CCNB2: variants seen among roughly 807,000 people sequenced by gnomAD.
CCNB2 encodes the protein G2/mitotic-specific cyclin-B2.
CCNB2 carries 39 observed loss-of-function variants against 51.1 expected under a neutral mutation model. The observed-to-expected ratio is 0.76, with a 90% confidence interval of 0.59 to 1.00. The LOEUF is 1.00. Among genes scored for constraint, CCNB2 ranks in the 50% least tolerant of loss-of-function variants. The pLI is 0.00. For synonymous variants in CCNB2, 174 were observed against 165.5 expected, an observed-to-expected ratio of 1.05 and a Z score of -0.40; for missense variants, 472 against 470.3, an observed-to-expected ratio of 1.00 and a Z score of -0.03.
At chr15:59,116,203 A>G (rs2079278062) in intron 5 of CCNB2, 1 of 154,790 alleles carries the variant, frequency 6.5e-6, no homozygotes. Flanking sequence ...GGTAAGGATT[A>G]AGGAAATGAG....
intron 3 of CCNB2, among the ~76,000 whole-genome samples, chr15:59,109,424 A>G (rs1820432267): frequency 6.6e-6 from 1 of 152,234 alleles, no homozygotes; most frequent in African/African-American, 2.4e-5. Context: ...AGATAGTGCT[A>G]TGATGAGTGT....
At chr15:59,123,736 ATG>A (rs2079313695) in intron 8 of CCNB2, 109 bp downstream of exon 8, 5 of 364,798 alleles carry the variant, frequency 1.4e-5, no homozygotes, top group South Asian at 1.2e-4. Context: ...TATTAATAAC[ATG>A]TGGGAGTTTT....
chr15:59,114,213 T>C (rs1596331070), intron 3 of CCNB2, among the ~76,000 whole-genome samples: 2 of 152,252 alleles, frequency 1.3e-5, no homozygotes, highest in South Asian at 4.2e-4. Flanking sequence ...CTGTAGGCCA[T>C]TGGGAGGACT....
chr15:59,106,903 A>G (rs1260583616), intron 1 of CCNB2, among the ~76,000 whole-genome samples: 1 of 152,174 alleles, frequency 6.6e-6, no homozygotes, highest in Non-Finnish European at 1.5e-5. Flanking sequence ...TTATAGCTTT[A>G]TTATTTTTCA....
At position 59,117,055 on chromosome 15, in the gene CCNB2, G is replaced by C. The variant is rs564047294; in HGVS notation, c.834+129G>C. ...GTAAGTCTTAATGCTTTCCTCATCAGTTCTTAAGAGAAAAGGCCTCATGAT... is the reference window on the plus strand; with the variant it reads ...GTAAGTCTTAATGCTTTCCTCATCACTTCTTAAGAGAAAAGGCCTCATGAT... On this transcript the variant is annotated intron_variant, in intron 6 of 8. Transcript: ENST00000288207. The C allele has an allele frequency of 2.2e-5, 21 of 972,988 alleles. No homozygotes were observed. The Admixed American group carries it at 4.4e-4, about 20-fold the overall frequency. 60.3% of individuals were successfully genotyped at this position (972,988 alleles called of 1,614,324 possible).
intron 3 of CCNB2, among the ~76,000 whole-genome samples, chr15:59,108,249 G>A (rs1263297208): frequency 6.6e-6 from 1 of 152,196 alleles, no homozygotes; most frequent in Non-Finnish European, 1.5e-5. Context: ...AACTGAGTCA[G>A]GCGGCTTGAG....
rs1288856095 is a variant in CCNB2 at position 59,116,920 on chromosome 15, CG to C, written c.832del (p.Glu278ArgfsTer9). 2.5e-6 allele frequency: 4 copies of C among 1,612,586 alleles called. No individual in the cohort carries two copies. The highest frequency in any genetic ancestry group is 1.3e-5 in the African/African-American group (1 of 74,848). ...LHFLRRASKA[G>X]EVDVEQHTLA... ...ACTTCTTAAGGCGAGCATCAAAAGC[CG>C]GGGAGGTAAGTGCCTCCAGCTCTGT... On this transcript the variant is annotated frameshift_variant, in exon 6 of 9. Coordinates refer to ENST00000288207, the MANE Select transcript of CCNB2 (RefSeq NM_004701.4). LOFTEE classifies it high-confidence loss of function.
rs1294846452 is a variant in CCNB2, at chr15:59,116,848, A to G, written c.756A>G (p.Leu252=). Residue 252 remains leucine, a synonymous_variant, in exon 6 of 9, where the codon CTA becomes CTG. Coordinates refer to ENST00000288207, the MANE Select transcript of CCNB2 (RefSeq NM_004701.4). ...CCCAAATCCGAGAAATGGAAACTCT[A>G]ATTTTGAAAGAATTGAAATTTGAGT... ...TSSQIREMET[L]ILKELKFELG... 2 of 1,614,060 alleles carry G rather than the reference A, an allele frequency of 1.2e-6. No individual in the cohort carries two copies. The highest frequency in any genetic ancestry group is 1.1e-5 in the South Asian group (1 of 91,084).
intron 8 of CCNB2, 173 bp from the exon 9 acceptor site, chr15:59,124,594 G>C (rs563135080): frequency 1.1e-4 from 68 of 605,062 alleles, no homozygotes; most frequent in Non-Finnish European, 1.8e-4. Context: ...GGGGATGGAA[G>C]GAAATGGTCA....
At chr15:59,111,840 T>TTTTCTTTC (rs200805265) in intron 3 of CCNB2, among the ~76,000 whole-genome samples, 4 of 149,970 alleles carry the variant, frequency 2.7e-5, no homozygotes, top group African/African-American at 9.9e-5. Flanking sequence ...TATTCTATTC[T>TTTTCTTTC]TTTCTTTCTT....
intron 3 of CCNB2, among the ~76,000 whole-genome samples, chr15:59,113,229 T>C (rs946969259): frequency 1.3e-5 from 2 of 152,242 alleles, no homozygotes; most frequent in African/African-American, 4.8e-5. Flanking sequence ...GACTGCAATA[T>C]GCTTTTCTCC....
chr15:59,110,353 T>C (rs1265630782), intron 3 of CCNB2, among the ~76,000 whole-genome samples: 1 of 152,232 alleles, frequency 6.6e-6, no homozygotes, highest in Non-Finnish European at 1.5e-5. Context: ...TATGAGGAAT[T>C]AATGAACAGG....
rs779994699 is a variant in CCNB2, at chr15:59,114,546, G to T, written c.370G>T (p.Asp124Tyr). 12 of 1,613,696 alleles carry T rather than the reference G, an allele frequency of 7.4e-6. 1 individual carries two copies. In the South Asian group the frequency reaches 1.2e-4, roughly 16 times the overall value. ...LCKIEDIDNE[D>Y]WENPQLCSDY... ...CAAAATCGAGGACATTGATAACGAA[G>T]ATTGGGAGAACCCTCAGCTCTGCAG... is the stretch of plus-strand genomic sequence containing the variant. Residue 124 changes from aspartate (D) to tyrosine (Y), a missense_variant, in exon 4 of 9, where the codon GAT becomes TAT. Asp to Tyr is a radical substitution (Grantham distance 160). Transcript: ENST00000288207.
At chr15:59,114,145 G>A (rs1276954739) in intron 3 of CCNB2, among the ~76,000 whole-genome samples, 2 of 152,222 alleles carry the variant, frequency 1.3e-5, no homozygotes, top group African/African-American at 4.8e-5. Context: ...AGCAGTCAAG[G>A]GAGAGAAGCA....
chr15:59,124,926 T>C lies in CCNB2; in HGVS notation c.*49T>C, dbSNP rs776791522. 2.4e-5 allele frequency: 28 copies of C among 1,177,610 alleles called. 1 individual carries two copies. Among genetic ancestry groups the C allele is most frequent in the African/African-American group, 4.7e-5 (3 of 64,096 alleles). 72.9% of individuals were successfully genotyped at this position (1,177,610 alleles called of 1,614,324 possible). A position where few individuals can be genotyped will look rare whatever the true frequency, so the allele number is the denominator to read the frequency against. ...GTGCTTCATTGTGCCCTTTTTCTTA[T>C]TGGTTTAGAACTCTTGATTTTGTAC... On this transcript the variant is annotated 3_prime_UTR_variant, in exon 9 of 9. Transcript: ENST00000288207.
chr15:59,107,289 C>G lies in CCNB2; in HGVS notation c.25-33C>G. ...ATTAGCAAAGTATTTCAAATTCTTT[C>G]AAGGTTTCATTACTTTTTTTTTTTT... On this transcript the variant is annotated intron_variant, in intron 1 of 8. Coordinates refer to ENST00000288207, the MANE Select transcript of CCNB2 (RefSeq NM_004701.4). 1.9e-6 allele frequency: 3 copies of G among 1,548,056 alleles called. No individual in the cohort carries two copies. In the East Asian group the frequency reaches 6.8e-5, roughly 35 times the overall value.
At chr15:59,123,044 GCA>G (rs1188363968) in intron 7 of CCNB2, among the ~76,000 whole-genome samples, 3 of 152,168 alleles carry the variant, frequency 2.0e-5, no homozygotes, top group East Asian at 3.8e-4. Flanking sequence ...GTTGCTTGTA[GCA>G]CAGTTTATTT....
chr15:59,117,670 C>T (rs898194252), intron 7 of CCNB2, among the ~76,000 whole-genome samples: 5 of 152,118 alleles, frequency 3.3e-5, no homozygotes, highest in African/African-American at 1.2e-4. Flanking sequence ...CAGGGTTTTG[C>T]CATGTTGTCT....
At chr15:59,124,679 G>A (rs1398631442) in intron 8 of CCNB2, 88 bp from the exon 9 acceptor site, 17 of 895,720 alleles carry the variant, frequency 1.9e-5, no homozygotes, top group Admixed American at 5.7e-5. Context: ...GATTGTAGCC[G>A]TGGACCTTTG....
Sources: allele counts gnomAD v4.1 joint callset (sites outside exome capture counted in the v4.1 genomes callset), GRCh38; gene constraint gnomAD v4.1.1; transcripts MANE v1.5; gene names NCBI Gene and HGNC (gene_info 2026-07-23, HGNC 2026-07-21).